HORMAD2: variants seen among roughly 807,000 people sequenced by gnomAD.
HORMAD2 encodes HORMA domain-containing protein 2.
HORMAD2 carries 45 observed loss-of-function variants against 38.8 expected under a neutral mutation model. The observed-to-expected ratio is 1.16, with a 90% confidence interval of 0.91 to 1.49. The LOEUF (loss-of-function observed/expected upper bound fraction) is 1.49, where lower values mean the gene tolerates loss of function less well. HORMAD2 is among the 40% of genes most tolerant of loss of function. The pLI is 0.00. For synonymous variants in HORMAD2, 126 were observed against 122.8 expected, an observed-to-expected ratio of 1.03 and a Z score of -0.17; for missense variants, 338 against 367.0, an observed-to-expected ratio of 0.92 and a Z score of 0.65.
intron 10 of HORMAD2, 72 bp from the exon 11 acceptor site, chr22:30,175,991 C>T (rs1249718221): frequency 1.0e-6 from 1 of 965,262 alleles, no homozygotes; most frequent in Non-Finnish European, 1.7e-6. Flanking sequence ...CTTGGTCTAC[C>T]TGTCTTATAT....
chr22:30,092,823 C>A (rs2068715154), intron 1 of HORMAD2, among the ~76,000 whole-genome samples: 1 of 152,044 alleles, frequency 6.6e-6, no homozygotes, highest in South Asian at 2.1e-4. Context: ...TTTCTGGGTT[C>A]TCTATTCTGT....
intron 5 of HORMAD2, 35 bp from the exon 6 acceptor site, chr22:30,111,761 G>A (rs1921674790): frequency 1.4e-6 from 2 of 1,468,710 alleles, no homozygotes; most frequent in Middle Eastern, 1.7e-4. Flanking sequence ...GTGCAAGTAT[G>A]TAATAATAAT....
chr22:30,128,858 T>C (rs1923060550), intron 10 of HORMAD2, among the ~76,000 whole-genome samples: 1 of 152,318 alleles, frequency 6.6e-6, no homozygotes, highest in East Asian at 1.9e-4. Flanking sequence ...TTGAACTAGA[T>C]TGACCTCTAA....
intron 3 of HORMAD2, among the ~76,000 whole-genome samples, chr22:30,099,683 T>G (rs1920930317): frequency 1.3e-5 from 2 of 152,184 alleles, no homozygotes; most frequent in Non-Finnish European, 2.9e-5. Flanking sequence ...GTTCAGGAGT[T>G]CGAGACCAGC....
At chr22:30,077,764 T>C (rs989262513), upstream of HORMAD2, among the ~76,000 whole-genome samples, 3 of 152,224 alleles carry the variant, frequency 2.0e-5, no homozygotes, top group Admixed American at 1.3e-4. Flanking sequence ...AAATTACTTA[T>C]ATTCTCATCT....
chr22:30,112,739 A>T (rs1389717410), intron 7 of HORMAD2, among the ~76,000 whole-genome samples: 2 of 152,110 alleles, frequency 1.3e-5, no homozygotes, highest in African/African-American at 4.8e-5. Flanking sequence ...AAAGGCATTG[A>T]GAAGAACTGA....
chr22:30,114,589 C>G (rs1033612483), intron 7 of HORMAD2, among the ~76,000 whole-genome samples: 1 of 152,142 alleles, frequency 6.6e-6, no homozygotes, highest in Non-Finnish European at 1.5e-5. Context: ...GAGTTATATG[C>G]CTGGAAGTAT....
At chr22:30,172,463 A>G (rs1018869985) in intron 10 of HORMAD2, among the ~76,000 whole-genome samples, 7 of 152,210 alleles carry the variant, frequency 4.6e-5, no homozygotes, top group African/African-American at 9.6e-5. Context: ...TGATCTTTGT[A>G]TTACTAGAGA....
chr22:30,107,774 G>A (rs895337999), intron 5 of HORMAD2, among the ~76,000 whole-genome samples: 1 of 151,594 alleles, frequency 6.6e-6, no homozygotes, highest in Non-Finnish European at 1.5e-5. Context: ...ATAAATAAAT[G>A]AAAATAGTTT....
At chr22:30,102,298 A>T (rs1920953385) in intron 3 of HORMAD2, among the ~76,000 whole-genome samples, 1 of 152,202 alleles carries the variant, frequency 6.6e-6, no homozygotes, top group African/African-American at 2.4e-5. Flanking sequence ...GATAATAAGC[A>T]CATATTGTGT....
chr22:30,103,326 AAAT>A, intron 3 of HORMAD2, 108 bp from the exon 4 acceptor site: 1 of 672,484 alleles, frequency 1.5e-6, no homozygotes, highest in Non-Finnish European at 2.6e-6. Context: ...CTATAAAACT[AAAT>A]AAATTACATA....
chr22:30,139,542 A>G (rs1660763831), intron 10 of HORMAD2, among the ~76,000 whole-genome samples: 1 of 151,870 alleles, frequency 6.6e-6, no homozygotes, highest in Non-Finnish European at 1.5e-5. Context: ...GCCATCTGCA[A>G]ATAGATATAG....
intron 6 of HORMAD2, among the ~76,000 whole-genome samples, chr22:30,112,026 C>T (rs1215337852): frequency 1.3e-5 from 2 of 151,848 alleles, no homozygotes; most frequent in East Asian, 3.9e-4. Flanking sequence ...AATGTATAGG[C>T]TATACTATCT....
At chr22:30,091,853 AT>A (rs1414329731) in intron 1 of HORMAD2, among the ~76,000 whole-genome samples, 2 of 151,606 alleles carry the variant, frequency 1.3e-5, no homozygotes, top group Non-Finnish European at 2.9e-5. Flanking sequence ...AGCATTCGTT[AT>A]TTTTTGTTAT....
At chr22:30,175,954 T>A in intron 10 of HORMAD2, 109 bp from the exon 11 acceptor site, 1 of 687,954 alleles carries the variant, frequency 1.5e-6, no homozygotes, top group Non-Finnish European at 2.5e-6. Flanking sequence ...CAGGTTTGGA[T>A]CCGTTATGCA....
chr22:30,187,501 T>TTGTGTGTGTG, the HORMAD2 span, among the ~76,000 whole-genome samples: 275 of 147,766 alleles, frequency 1.9e-3, 2 homozygotes, highest in African/African-American at 6.4e-3. Flanking sequence ...TATATTTCCT[T>TTGTGTGTGTG]TGTGTGTGTG....
intron 8 of HORMAD2, among the ~76,000 whole-genome samples, chr22:30,120,816 A>C (rs145930699): frequency 2.6e-5 from 4 of 152,216 alleles, no homozygotes; most frequent in African/African-American, 9.6e-5. Flanking sequence ...GGATAAATTT[A>C]GGACAGTCAG....
intron 10 of HORMAD2, among the ~76,000 whole-genome samples, chr22:30,128,568 A>G (rs1218287783): frequency 6.6e-6 from 1 of 152,234 alleles, no homozygotes; most frequent in African/African-American, 2.4e-5. Context: ...GCATTTAAAA[A>G]ATTTTTCTAC....
In HORMAD2 at chr22:30,121,705, C is replaced by T. The variant is rs200128005; in HGVS notation, c.484C>T (p.Arg162Cys). Residue 162 changes from arginine (R) to cysteine (C), a missense_variant, in exon 9 of 11, where the codon CGT becomes TGT. Physicochemically the swap from Arg to Cys is radical, Grantham distance 180. Transcript: ENST00000336726. Reference protein sequence around the residue: ...DIKKASVLLIRKLYILMQDLE... With the variant: ...DIKKASVLLICKLYILMQDLE... ...TAAGAAAGCCAGTGTTCTACTGATC[C>T]GTAAATTGTATATACTGATGCAGGA... is the stretch of plus-strand genomic sequence containing the variant. 1.7e-3 allele frequency: 2,765 copies of T among 1,610,084 alleles called. 3 individuals carry two copies. The highest frequency in any genetic ancestry group is 1.8e-3 in the Non-Finnish European group (2,154 of 1,177,854).
Sources: gnomAD v4.1 joint callset for allele counts (sites outside exome capture counted in the v4.1 genomes callset) on GRCh38, gnomAD v4.1.1 for gene constraint, MANE v1.5 for transcripts, NCBI Gene and HGNC (gene_info 2026-07-23, HGNC 2026-07-21) for gene names.